The following MAGI1 variants were observed in gnomAD, a reference collection of about 807,000 sequenced individuals.
The protein encoded by MAGI1 is membrane-associated guanylate kinase, WW and PDZ domain-containing protein 1.
Under a neutral mutation model 139.9 loss-of-function variants are expected in MAGI1, and 58 were observed. The ratio of observed to expected loss-of-function variants is 0.41; its 90% confidence interval spans 0.34 to 0.52. The LOEUF is 0.52. Ranked by LOEUF, MAGI1 falls within the 20% of genes least tolerant of loss-of-function variation. The probability of loss-of-function intolerance (pLI) is 0.12; values close to 1 mark genes in which losing one functional copy is unlikely to be tolerated. For missense variants in MAGI1, 1,874 were observed against 1,901.6 expected (o/e 0.99, Z 0.27); for synonymous variants, 812 against 737.9 (o/e 1.10, Z -1.63).
At chr3:65,957,350 C>CAAAAAAAAAAA (rs1174740233) in intron 1 of MAGI1, among the ~76,000 whole-genome samples, 14 of 91,512 alleles carry the variant, frequency 1.5e-4, no homozygotes, top group African/African-American at 5.9e-4. Flanking sequence ...CCTGTCTCTA[C>CAAAAAAAAAAA]AAAAAAAAAA....
intron 1 of MAGI1, among the ~76,000 whole-genome samples, chr3:65,768,980 C>T (rs2037722565): frequency 6.6e-6 from 1 of 151,994 alleles, no homozygotes; most frequent in Admixed American, 6.6e-5. Context: ...TGCTAAGAAA[C>T]TCCTTGAAAC....
At chr3:65,620,753 T>C (rs555277152) in intron 2 of MAGI1, among the ~76,000 whole-genome samples, 1 of 152,290 alleles carries the variant, frequency 6.6e-6, no homozygotes, top group Non-Finnish European at 1.5e-5. Flanking sequence ...AGCCACTCCA[T>C]GGACAGAGGC....
intron 2 of MAGI1, among the ~76,000 whole-genome samples, chr3:65,584,310 T>C (rs929078500): frequency 6.6e-6 from 1 of 152,098 alleles, no homozygotes; most frequent in African/African-American, 2.4e-5. Flanking sequence ...TTCTTTAAAA[T>C]AGGGTCAGCT....
At chr3:65,401,703 C>T in intron 12 of MAGI1, 1 of 1,523,850 alleles carries the variant, frequency 6.6e-7, no homozygotes, top group Non-Finnish European at 8.8e-7. Context: ...CTGACTTGTA[C>T]TGCAGCAGCC....
chr3:65,983,123 C>T (rs1339492148), intron 1 of MAGI1, among the ~76,000 whole-genome samples: 1 of 151,946 alleles, frequency 6.6e-6, no homozygotes. Flanking sequence ...TGCTTTGTTG[C>T]CCAGGCTGGG....
intron 1 of MAGI1, among the ~76,000 whole-genome samples, chr3:65,677,125 A>G (rs958786731): frequency 1.3e-5 from 2 of 152,246 alleles, no homozygotes; most frequent in Non-Finnish European, 2.9e-5. Context: ...ACGTGCAGAC[A>G]TTATAGTTTT....
At chr3:65,925,046 T>A (rs2062424871) in intron 1 of MAGI1, 1 of 152,158 alleles carries the variant, frequency 6.6e-6, no homozygotes, top group South Asian at 2.1e-4. Context: ...TTTCTATCAC[T>A]GGGGGAGCTC....
At chr3:65,867,141 G>A (rs2059757044) in intron 1 of MAGI1, among the ~76,000 whole-genome samples, 1 of 152,168 alleles carries the variant, frequency 6.6e-6, no homozygotes, top group Non-Finnish European at 1.5e-5. Context: ...AAGTTTCAAT[G>A]AGTTAATCTA....
chr3:65,718,071 C>T (rs1273893363), intron 1 of MAGI1, among the ~76,000 whole-genome samples: 1 of 152,178 alleles, frequency 6.6e-6, no homozygotes, highest in Non-Finnish European at 1.5e-5. Context: ...CCTGTACCTA[C>T]ACTCGGGACC....
chr3:65,996,545 G>A (rs879749830), intron 1 of MAGI1, among the ~76,000 whole-genome samples: 1 of 151,210 alleles, frequency 6.6e-6, no homozygotes, highest in East Asian at 1.9e-4. Context: ...AACTAAGGGG[G>A]GGGGGGGGGA....
At chr3:65,451,430 T>G (rs559404169) in intron 6 of MAGI1, among the ~76,000 whole-genome samples, 1 of 152,300 alleles carries the variant, frequency 6.6e-6, no homozygotes, top group South Asian at 2.1e-4. Flanking sequence ...TGAAAACTGG[T>G]TATTTATGTT....
At chr3:65,480,316 T>G (rs772097437) in intron 3 of MAGI1, among the ~76,000 whole-genome samples, 34 of 152,074 alleles carry the variant, frequency 2.2e-4, no homozygotes, top group Non-Finnish European at 7.4e-5. Flanking sequence ...GCTAACCACA[T>G]GAGCTCAGAA....
At chr3:65,582,081 C>A (rs1313292723) in intron 2 of MAGI1, among the ~76,000 whole-genome samples, 1 of 152,150 alleles carries the variant, frequency 6.6e-6, no homozygotes, top group Non-Finnish European at 1.5e-5. Context: ...TACATAATCC[C>A]CCAGTCCTCT....
intron 1 of MAGI1, among the ~76,000 whole-genome samples, chr3:65,784,484 G>A (rs1477254507): frequency 2.6e-5 from 4 of 152,212 alleles, no homozygotes; most frequent in South Asian, 4.1e-4. Flanking sequence ...TTGGGAGGCC[G>A]AGGCAGGCGA....
At chr3:65,592,209 T>G (rs2081999409) in intron 2 of MAGI1, among the ~76,000 whole-genome samples, 1 of 152,222 alleles carries the variant, frequency 6.6e-6, no homozygotes, top group African/African-American at 2.4e-5. Context: ...CAGCCAGCCC[T>G]AGCACATAGC....
intron 1 of MAGI1, among the ~76,000 whole-genome samples, chr3:65,757,111 A>T (rs17073692): frequency 0.043 from 6,598 of 152,270 alleles, 179 homozygotes; most frequent in African/African-American, 0.071. Flanking sequence ...CAAATTATGT[A>T]GCTTTCCATT....
At chr3:65,436,379 T>C (rs978973522) in intron 10 of MAGI1, among the ~76,000 whole-genome samples, 14 of 152,216 alleles carry the variant, frequency 9.2e-5, no homozygotes, top group African/African-American at 3.4e-4. Context: ...ACACAAATAT[T>C]TTCTATAATT....
At chr3:65,907,695 C>T (rs185157799) in intron 1 of MAGI1, 84 of 152,304 alleles carry the variant, frequency 5.5e-4, no homozygotes, top group South Asian at 3.1e-3. Flanking sequence ...TTCAGAGTTG[C>T]CATAGCTCCC....
chr3:65,752,536 T>C (rs528235893), intron 1 of MAGI1, among the ~76,000 whole-genome samples: 4 of 152,340 alleles, frequency 2.6e-5, no homozygotes, highest in Non-Finnish European at 4.4e-5. Context: ...ATTACATCTA[T>C]AATCTCAGAG....
Sources: allele counts gnomAD v4.1 joint callset (sites outside exome capture counted in the v4.1 genomes callset), GRCh38; gene constraint gnomAD v4.1.1; transcripts MANE v1.5; gene names NCBI Gene and HGNC (gene_info 2026-07-23, HGNC 2026-07-21).